Variants in SCD5 observed in about 807,000 individuals in gnomAD.
The protein encoded by SCD5 is stearoyl-CoA desaturase 5.
SCD5 carries 20 observed loss-of-function variants against 30.4 expected under a neutral mutation model. That is an observed-to-expected ratio of 0.66 (90% confidence interval 0.46 to 0.96). The LOEUF (loss-of-function observed/expected upper bound fraction) is 0.96, where lower values mean the gene tolerates loss of function less well. SCD5 is among the 40% of genes least tolerant of loss of function. The pLI is 0.00. For missense variants in SCD5, 381 were observed against 443.3 expected (o/e 0.86, Z 1.26); for synonymous variants, 173 against 176.4 (o/e 0.98, Z 0.16).
rs10701664 is a variant in SCD5 at position 82,702,130 on chromosome 4, C to CTTTTTTTTTTTTTTTTTTT, written c.363+3134_363+3152dup. ...TCAGGCATTCCTGCCCCATCATCAT[C>CTTTTTTTTTTTTTTTTTTT]TTTTTTTTTTTTTTTTTTTTTTTTT... On this transcript the variant is annotated intron_variant, in intron 2 of 4. Coordinates refer to ENST00000319540, the MANE Select transcript of SCD5 (RefSeq NM_001037582.3). Among the ~76,000 whole-genome samples the CTTTTTTTTTTTTTTTTTTT allele has an allele frequency of 3.1e-4, 20 of 64,116 alleles. 3 individuals are homozygous for CTTTTTTTTTTTTTTTTTTT. The highest frequency in any genetic ancestry group is 5.0e-4 in the Non-Finnish European group (18 of 36,324). 42.1% of individuals were successfully genotyped at this position (64,116 alleles called of 152,430 possible).
intron 3 of SCD5, among the ~76,000 whole-genome samples, chr4:82,647,389 C>G (rs1481540732): frequency 1.3e-5 from 2 of 152,172 alleles, no homozygotes; most frequent in African/African-American, 4.8e-5. Context: ...AGCCAATCAG[C>G]CTCCATTTGG....
At chr4:82,666,891 G>T (rs1728201681) in intron 3 of SCD5, among the ~76,000 whole-genome samples, 1 of 152,150 alleles carries the variant, frequency 6.6e-6, no homozygotes. Context: ...TTATCGAAAG[G>T]ATAAGAGACA....
At chr4:82,645,939 C>T (rs764402343) in intron 3 of SCD5, among the ~76,000 whole-genome samples, 11 of 152,136 alleles carry the variant, frequency 7.2e-5, no homozygotes, top group South Asian at 2.1e-4. Context: ...TGTCTGCAAG[C>T]GTTTTCCTAC....
intron 1 of SCD5, among the ~76,000 whole-genome samples, chr4:82,753,658 T>A (rs1409563173): frequency 6.6e-6 from 1 of 152,152 alleles, no homozygotes; most frequent in African/African-American, 2.4e-5. Flanking sequence ...ATCAAAAAAC[T>A]ATGTAACCAA....
intron 1 of SCD5, among the ~76,000 whole-genome samples, chr4:82,739,266 G>A (rs935056718): frequency 6.6e-6 from 1 of 152,202 alleles, no homozygotes; most frequent in Non-Finnish European, 1.5e-5. Flanking sequence ...GATGTGAAAG[G>A]TGGAGGTCCT....
At chr4:82,679,792 A>C (rs1006944796) in intron 3 of SCD5, among the ~76,000 whole-genome samples, 1 of 152,332 alleles carries the variant, frequency 6.6e-6, no homozygotes, top group Non-Finnish European at 1.5e-5. Context: ...CCTTTCATGC[A>C]AAGATTCTTG....
chr4:82,793,523 C>T (rs565128011), intron 1 of SCD5, among the ~76,000 whole-genome samples: 1 of 152,286 alleles, frequency 6.6e-6, no homozygotes, highest in Non-Finnish European at 1.5e-5. Flanking sequence ...CTTTTCTATG[C>T]AAGAGAGGCT....
intron 2 of SCD5, among the ~76,000 whole-genome samples, chr4:82,690,654 T>C (rs1728813277): frequency 6.6e-6 from 1 of 152,252 alleles, no homozygotes; most frequent in South Asian, 2.1e-4. Flanking sequence ...AAATCTATCA[T>C]TCTTTTGCTT....
chr4:82,798,150 C>G (rs1722269569), intron 1 of SCD5, among the ~76,000 whole-genome samples, 156 bp downstream of exon 1: 1 of 150,996 alleles, frequency 6.6e-6, no homozygotes, highest in African/African-American at 2.4e-5. Context: ...GGACGGAAAA[C>G]TGGATGCCAA....
intron 1 of SCD5, among the ~76,000 whole-genome samples, chr4:82,768,910 A>G (rs1218718013): frequency 1.3e-5 from 2 of 151,544 alleles, no homozygotes; most frequent in African/African-American, 4.9e-5. Context: ...TCAATTTTTC[A>G]GGTAATACTG....
chr4:82,679,758 A>G (rs1417312900), intron 3 of SCD5, among the ~76,000 whole-genome samples: 2 of 152,192 alleles, frequency 1.3e-5, no homozygotes, highest in African/African-American at 2.4e-5. Context: ...TTGGGGGGAA[A>G]GAGCACAGTC....
chr4:82,741,122 A>G (rs2148838903), intron 1 of SCD5, among the ~76,000 whole-genome samples: 1 of 146,928 alleles, frequency 6.8e-6, no homozygotes, highest in African/African-American at 2.5e-5. Context: ...TTTTTTTCGT[A>G]GAGACAGAGT....
At chr4:82,790,525 T>C (rs1722079725) in intron 1 of SCD5, among the ~76,000 whole-genome samples, 1 of 152,098 alleles carries the variant, frequency 6.6e-6, no homozygotes, top group Non-Finnish European at 1.5e-5. Flanking sequence ...GCCCTGCACC[T>C]CCTGCCATGC....
At chr4:82,721,312 C>G (rs1284898304) in intron 1 of SCD5, among the ~76,000 whole-genome samples, 1 of 152,154 alleles carries the variant, frequency 6.6e-6, no homozygotes, top group East Asian at 1.9e-4. Flanking sequence ...TCTTATTCCC[C>G]CACAGATGTT....
intron 1 of SCD5, among the ~76,000 whole-genome samples, chr4:82,771,881 T>A (rs1401380810): frequency 6.6e-6 from 1 of 152,142 alleles, no homozygotes; most frequent in African/African-American, 2.4e-5. Flanking sequence ...TTGTGAACAG[T>A]CCCTACCCTC....
chr4:82,763,299 G>A (rs184101991), intron 1 of SCD5, among the ~76,000 whole-genome samples: 2 of 152,258 alleles, frequency 1.3e-5, no homozygotes, highest in East Asian at 3.9e-4. Context: ...ACCACCTGAG[G>A]TCAGGAGTTC....
intron 1 of SCD5, chr4:82,753,257 C>G (rs1228778482): frequency 8.6e-6 from 4 of 464,440 alleles, no homozygotes; most frequent in Non-Finnish European, 1.8e-5. Flanking sequence ...CACCTGAGAC[C>G]AAATTAATCC....
At chr4:82,741,391 A>C (rs1023759716) in intron 1 of SCD5, among the ~76,000 whole-genome samples, 2 of 152,116 alleles carry the variant, frequency 1.3e-5, no homozygotes, top group African/African-American at 4.8e-5. Flanking sequence ...GCTTGTTCTG[A>C]AAGGAAACCA....
At chr4:82,672,707 G>T (rs1458340181) in intron 3 of SCD5, among the ~76,000 whole-genome samples, 1 of 151,936 alleles carries the variant, frequency 6.6e-6, no homozygotes, top group East Asian at 1.9e-4. Context: ...ATTCTATGAG[G>T]TATCACCATA....
Sources: allele counts gnomAD v4.1 joint callset (sites outside exome capture counted in the v4.1 genomes callset), GRCh38; gene constraint gnomAD v4.1.1; transcripts MANE v1.5; gene names NCBI Gene and HGNC (gene_info 2026-07-23, HGNC 2026-07-21).